The following UFL1 variants were observed in gnomAD, a reference collection of about 807,000 sequenced individuals.
The protein encoded by UFL1 is E3 UFM1-protein ligase 1.
A neutral mutation model predicts 99.3 loss-of-function variants in UFL1; 78 were observed. The observed-to-expected ratio is 0.79, with a 90% confidence interval of 0.65 to 0.95. The LOEUF (loss-of-function observed/expected upper bound fraction) is 0.95. UFL1 is among the 40% of genes least tolerant of loss of function. The pLI is 0.00. For synonymous variants in UFL1, 335 were observed against 322.2 expected (o/e 1.04, Z -0.42); for missense variants, 936 against 937.0 (o/e 1.00, Z 0.01).
intron 9 of UFL1, among the ~76,000 whole-genome samples, chr6:96,538,238 G>T (rs1261023845): frequency 6.6e-6 from 1 of 151,812 alleles, no homozygotes; most frequent in Non-Finnish European, 1.5e-5. Context: ...ATTAGGGAAA[G>T]ATAGTTAAGG....
At chr6:96,550,464 A>G (rs1770062184) in intron 15 of UFL1, among the ~76,000 whole-genome samples, 1 of 151,978 alleles carries the variant, frequency 6.6e-6, no homozygotes, top group Non-Finnish European at 1.5e-5. Context: ...GTGACTGACT[A>G]CATGTCACTG....
intron 2 of UFL1, 113 bp from the exon 3 acceptor site, chr6:96,524,268 TG>T: frequency 2.3e-6 from 2 of 875,326 alleles, no homozygotes; most frequent in Non-Finnish European, 3.5e-6. Flanking sequence ...TTGATTATTC[TG>T]GCTCTCTGTT....
At position 96,525,401 on chromosome 6, in the gene UFL1, A is replaced by G. The variant is rs2127948651; in HGVS notation, c.350+7A>G. On this transcript the variant is annotated splice_region_variant and intron_variant, in intron 4 of 18. Coordinates refer to ENST00000369278, the MANE Select transcript of UFL1 (RefSeq NM_015323.5). Reference sequence around the variant, plus strand: ...TGGGACAACTGATAGATGAGTAAGTACAATAAAGTACAAATTTAAGAGCAC... The same window carrying G: ...TGGGACAACTGATAGATGAGTAAGTGCAATAAAGTACAAATTTAAGAGCAC... 1 of 1,570,338 alleles carries G rather than the reference A, an allele frequency of 6.4e-7. No individual in the cohort carries two copies. The highest frequency in any genetic ancestry group is 8.7e-7 in the Non-Finnish European group (1 of 1,153,240).
intron 10 of UFL1, among the ~76,000 whole-genome samples, chr6:96,539,518 G>T (rs73757899): frequency 2.4e-4 from 36 of 151,654 alleles, no homozygotes; most frequent in African/African-American, 8.7e-4. Flanking sequence ...ATAAACTTCT[G>T]TATTTAGCCT....
intron 6 of UFL1, among the ~76,000 whole-genome samples, chr6:96,531,076 G>A (rs892097381): frequency 6.6e-6 from 1 of 152,214 alleles, no homozygotes; most frequent in African/African-American, 2.4e-5. Flanking sequence ...ACATGCAAGG[G>A]ATGTTGGTTG....
intron 4 of UFL1, among the ~76,000 whole-genome samples, chr6:96,526,085 CAAA>C (rs777292473): frequency 1.8e-5 from 2 of 111,746 alleles, no homozygotes. Context: ...GACCTTGATG[CAAA>C]AAAAAAAAAG....
chr6:96,523,268 G>A lies in UFL1; in HGVS notation c.200G>A (p.Arg67Lys). 1.9e-6 allele frequency: 3 copies of A among 1,608,406 alleles called. No homozygotes were observed. Among genetic ancestry groups the A allele is most frequent in the Non-Finnish European group, 2.5e-6 (3 of 1,177,790 alleles). The stretch of plus-strand genomic sequence containing the variant: ...CCAGCCCAAATTAGTAAAGAAATGA[G>A]AGATGAGCTACATGTCCGAGGTGGT... The part of the protein sequence containing the change: ...ITPAQISKEM[R>K]DELHVRGGRV... Residue 67 changes from arginine to lysine, a missense_variant, in exon 2 of 19, where the codon AGA (arginine) becomes AAA (lysine). Transcript: ENST00000369278.
chr6:96,526,953 A>G (rs9320195), intron 5 of UFL1, among the ~76,000 whole-genome samples: 151,475 of 152,286 alleles, frequency 0.99, 75,339 homozygotes, highest in East Asian at 1. Context: ...ACTGTCAGTA[A>G]TGCCAACATC....
chr6:96,521,954 C>T lies in UFL1; in HGVS notation c.77+4C>T, dbSNP rs764901798. ...AGTTCGCCGAGGCCACGCAGAGGTG[C>T]CCGACCCTCCCTCTCCTTTGTGGAG... is the stretch of plus-strand genomic sequence containing the variant. On this transcript the variant is annotated splice_donor_region_variant and intron_variant, in intron 1 of 18. Coordinates refer to ENST00000369278, the MANE Select transcript of UFL1 (RefSeq NM_015323.5). 2 of 1,610,600 alleles carry T rather than the reference C, an allele frequency of 1.2e-6. No individual in the cohort carries two copies. Among genetic ancestry groups the T allele is most frequent in the South Asian group, 1.1e-5 (1 of 90,106 alleles).
intron 6 of UFL1, among the ~76,000 whole-genome samples, chr6:96,533,330 A>G (rs1769808394): frequency 6.6e-6 from 1 of 152,104 alleles, no homozygotes; most frequent in Non-Finnish European, 1.5e-5. Flanking sequence ...TATCCACAGT[A>G]GCCACAAACT....
intron 10 of UFL1, 133 bp from the exon 11 acceptor site, chr6:96,540,402 C>A: frequency 1.7e-6 from 2 of 1,154,076 alleles, no homozygotes; most frequent in Non-Finnish European, 2.4e-6. Flanking sequence ...CTTAGAGTGA[C>A]AGCTCTGAAA....
At chr6:96,547,481 G>A (rs911786018) in intron 12 of UFL1, among the ~76,000 whole-genome samples, 2 of 151,568 alleles carry the variant, frequency 1.3e-5, no homozygotes, top group African/African-American at 2.4e-5. Context: ...TCTACCCAAA[G>A]GAAATGAAAT....
At chr6:96,524,190 G>A (rs1769667863) in intron 2 of UFL1, among the ~76,000 whole-genome samples, 192 bp from the exon 3 acceptor site, 1 of 151,766 alleles carries the variant, frequency 6.6e-6, no homozygotes. Context: ...AAAATTGAAA[G>A]TAAGTTATTG....
intron 4 of UFL1, 101 bp from the exon 5 acceptor site, chr6:96,526,220 T>C: frequency 2.3e-6 from 2 of 881,362 alleles, no homozygotes; most frequent in Non-Finnish European, 3.5e-6. Context: ...TTCATTACTT[T>C]TGGGGCATAC....
rs1770136972 is a variant in UFL1, at chr6:96,555,112, G to A, written c.*1609G>A. The A allele has an allele frequency of 6.6e-6, 1 of 152,338 alleles. No individual in the cohort carries two copies. The highest frequency in any genetic ancestry group is 1.5e-5 in the Non-Finnish European group (1 of 67,964). The allele number at this position is 152,338 out of a possible 1,614,324, so 9.4% of individuals were successfully genotyped here. ...TTTCATTTGTCAAAATGCTTCTTTTGTTGCCACAGTAAAGAACAGTTTTTA... is the reference window on the plus strand; with the variant it reads ...TTTCATTTGTCAAAATGCTTCTTTTATTGCCACAGTAAAGAACAGTTTTTA... On this transcript the variant is annotated 3_prime_UTR_variant, in exon 19 of 19. Coordinates refer to ENST00000369278, the MANE Select transcript of UFL1 (RefSeq NM_015323.5).
intron 9 of UFL1, 63 bp downstream of exon 9, chr6:96,537,612 G>T: frequency 7.0e-7 from 1 of 1,427,850 alleles, no homozygotes; most frequent in South Asian, 1.6e-5. Context: ...ACTAATATTT[G>T]ACCATTTAGA....
intron 15 of UFL1, among the ~76,000 whole-genome samples, chr6:96,550,516 C>A (rs1210101564): frequency 6.6e-6 from 1 of 152,004 alleles, no homozygotes; most frequent in Non-Finnish European, 1.5e-5. Flanking sequence ...TGTTTGTGGT[C>A]TTTGGTGATG....
chr6:96,549,762 T>TG lies in UFL1; in HGVS notation c.1782dup (p.Met595AspfsTer12), dbSNP rs1770051651. On this transcript the variant is annotated frameshift_variant, in exon 15 of 19. Coordinates refer to ENST00000369278, the MANE Select transcript of UFL1 (RefSeq NM_015323.5). LOFTEE classifies it high-confidence loss of function. ...TTCAACTTCTTAGCTTCGGATTTAATGATGGCAGTAGACGATCCTGCAGCC... is the reference window on the plus strand; with the variant it reads ...TTCAACTTCTTAGCTTCGGATTTAATGGATGGCAGTAGACGATCCTGCAGCC... 1.1e-5 allele frequency: 17 copies of TG among 1,612,200 alleles called. No homozygotes were observed. Among genetic ancestry groups the TG allele is most frequent in the Non-Finnish European group, 1.4e-5 (17 of 1,178,694 alleles).
chr6:96,528,034 C>G (rs1302305619), intron 5 of UFL1, among the ~76,000 whole-genome samples: 2 of 152,100 alleles, frequency 1.3e-5, no homozygotes, highest in Non-Finnish European at 2.9e-5. Flanking sequence ...GAGAGGAAAG[C>G]TTTTGAGGTC....
Sources: allele counts gnomAD v4.1 joint callset (sites outside exome capture counted in the v4.1 genomes callset), GRCh38; gene constraint gnomAD v4.1.1; transcripts MANE v1.5; gene names NCBI Gene and HGNC (gene_info 2026-07-23, HGNC 2026-07-21).